Variants in PROKR2 observed in about 807,000 individuals in gnomAD.
The protein encoded by PROKR2 is prokineticin receptor 2, also known as G protein-coupled receptor 73-like 1.
A neutral mutation model predicts 23.4 loss-of-function variants in PROKR2; 26 were observed. The observed-to-expected ratio is 1.11, with a 90% CI of 0.81 to 1.54. The LOEUF (loss-of-function observed/expected upper bound fraction) is 1.54. Among genes scored for constraint, PROKR2 ranks in the 40% most tolerant of loss-of-function variants. The probability of loss-of-function intolerance (pLI) is 0.00; values close to 1 mark genes in which losing one functional copy is unlikely to be tolerated. For missense variants in PROKR2, 453 were observed against 511.5 expected (o/e 0.89, Z 1.10); for synonymous variants, 212 against 201.2 (o/e 1.05, Z -0.45).
At chr20:5,309,440 C>T (rs1405950412) in intron 2 of PROKR2, among the ~76,000 whole-genome samples, 4 of 152,178 alleles carry the variant, frequency 2.6e-5, no homozygotes, top group Non-Finnish European at 5.9e-5. Context: ...GACTTTTTCC[C>T]TTTCCAAAGC....
rs146418848 is a variant in PROKR2, at chr20:5,301,011, G to A, written c.*1029C>T. Among the ~76,000 whole-genome samples the A allele has an allele frequency of 6.6e-6, 1 of 152,310 alleles. No homozygotes were observed. Among genetic ancestry groups the A allele is most frequent in the East Asian group, 1.9e-4 (1 of 5,186 alleles). ...TACACCATTGTGGATAACCACATAAGGCTGGGCTGACTATAAGAATTTTTT... is the reference window on the plus strand; with the variant it reads ...TACACCATTGTGGATAACCACATAAAGCTGGGCTGACTATAAGAATTTTTT... On this transcript the variant is annotated 3_prime_UTR_variant, in exon 3 of 3. Coordinates refer to ENST00000678254, the MANE Select transcript of PROKR2 (RefSeq NM_144773.4).
In PROKR2 at chr20:5,308,969, C is replaced by T. The variant is rs1027637802; in HGVS notation, c.458+4943G>A. 1.8e-4 allele frequency among the ~76,000 whole-genome samples: 20 copies of T among 110,156 alleles called. No homozygotes were observed. The East Asian group carries it at 5.3e-3, about 29-fold the overall frequency. 72.3% of individuals were successfully genotyped at this position (110,156 alleles called of 152,430 possible). ...CCCCAGCTTTTGACTTTCTGAAGAT[C>T]TAGGATGAAGCTGGATCCTACCCCA... On this transcript the variant is annotated intron_variant, in intron 2 of 2. Transcript: ENST00000678254.
intron 2 of PROKR2, among the ~76,000 whole-genome samples, chr20:5,311,885 A>G (rs1250775126): frequency 6.6e-6 from 1 of 152,172 alleles, no homozygotes; most frequent in African/African-American, 2.4e-5. Flanking sequence ...CAGCCTGCAT[A>G]TGGCCTATTG....
At chr20:5,312,011 G>A (rs1233419236) in intron 2 of PROKR2, among the ~76,000 whole-genome samples, 1 of 152,196 alleles carries the variant, frequency 6.6e-6, no homozygotes, top group African/African-American at 2.4e-5. Context: ...ACTTTAGTGA[G>A]CATCAGAATC....
rs13041180 is a variant in PROKR2, at chr20:5,299,687, T to A, written c.*2353A>T. On this transcript the variant is annotated 3_prime_UTR_variant, in exon 3 of 3. Transcript: ENST00000678254. ...TCACCCAGGCTGGAGTGCAGTGGTG[T>A]GATCTCAATTCACTGCAACCTCTGC... Among the ~76,000 whole-genome samples, 1 of 151,960 alleles carries A rather than the reference T, an allele frequency of 6.6e-6. No individual in the cohort carries two copies. Among genetic ancestry groups the A allele is most frequent in the Non-Finnish European group, 1.5e-5 (1 of 67,966 alleles).
Position 5,301,557 on chromosome 20 carries a change from G to T in PROKR2, c.*483C>A, listed in dbSNP as rs1276245109. Among the ~76,000 whole-genome samples, 1 of 152,206 alleles carries T rather than the reference G, an allele frequency of 6.6e-6. No individual in the cohort carries two copies. Among genetic ancestry groups the T allele is most frequent in the African/African-American group, 2.4e-5 (1 of 41,466 alleles). ...ATAGCCTTTTGATATTCCTGCACTG[G>T]TAAGATACAGAATTAGGGAAGATGG... is the stretch of plus-strand genomic sequence containing the variant. On this transcript the variant is annotated 3_prime_UTR_variant, in exon 3 of 3. Transcript: ENST00000678254.
chr20:5,316,200 C>G lies in PROKR2; in HGVS notation c.-9+294G>C, dbSNP rs1025589277. ...AGGAAGGTGCCCCTCTACCTGCACC[C>G]TCCCCTGCAATTTGGAGCTCGTCCG... On this transcript the variant is annotated intron_variant, in intron 1 of 2. Transcript: ENST00000678254. The surrounding 1 kb of genome is among the most constrained non-coding windows in gnomAD (Gnocchi z 5.0). 2.2e-5 allele frequency: 10 copies of G among 456,554 alleles called. No individual in the cohort carries two copies. Among genetic ancestry groups the G allele is most frequent in the African/African-American group, 2.0e-4 (10 of 50,064 alleles). 28.3% of individuals were successfully genotyped at this position (456,554 alleles called of 1,614,324 possible).
intron 1 of PROKR2, chr20:5,315,797 G>A: frequency 2.2e-6 from 1 of 454,916 alleles, no homozygotes; most frequent in Non-Finnish European, 4.4e-6. Flanking sequence ...CGTCTCATGC[G>A]ACACCCCAAT....
intron 2 of PROKR2, among the ~76,000 whole-genome samples, chr20:5,305,144 C>T (rs1023811309): frequency 6.9e-4 from 105 of 152,184 alleles, no homozygotes; most frequent in Non-Finnish European, 1.3e-3. Flanking sequence ...AATCAGTTCA[C>T]TCTAAGTTTG....
At chr20:5,304,374 G>T (rs951118336) in intron 2 of PROKR2, among the ~76,000 whole-genome samples, 1 of 152,120 alleles carries the variant, frequency 6.6e-6, no homozygotes, top group Non-Finnish European at 1.5e-5. Context: ...TTTTGTAGTG[G>T]GACTGTTAAA....
rs1401918600 is a variant in PROKR2, at chr20:5,302,103, G to A, written c.1092C>T (p.Asp364=). The A allele has an allele frequency of 6.2e-7, 1 of 1,614,196 alleles. No individual in the cohort carries two copies. The highest frequency in any genetic ancestry group is 1.7e-5 in the Admixed American group (1 of 60,030). The change falls in exon 3 of 3, where the codon GAC becomes GAT. Residue 364 remains aspartate, a synonymous_variant. Coordinates refer to ENST00000678254, the MANE Select transcript of PROKR2 (RefSeq NM_144773.4). ...GCACCCCGTTGGTTCTGAGGTCAAG[G>A]TCAGCACTGGACTTGCTCCCCCGCT... ...PSQRGSKSSA[D]LDLRTNGVPT... is the part of the protein sequence containing the mutation.
chr20:5,312,897 A>T (rs1389196566), intron 2 of PROKR2, among the ~76,000 whole-genome samples: 2 of 152,262 alleles, frequency 1.3e-5, no homozygotes, highest in African/African-American at 4.8e-5. Context: ...TAAATTTAAA[A>T]TAGAGCAAGG....
intron 2 of PROKR2, among the ~76,000 whole-genome samples, chr20:5,303,202 GA>G (rs1198527523): frequency 6.6e-6 from 1 of 152,168 alleles, no homozygotes; most frequent in Non-Finnish European, 1.5e-5. Context: ...TTCTGCCCAA[GA>G]ACATACAATA....
Position 5,300,528 on chromosome 20 carries a change from C to T in PROKR2, c.*1512G>A, listed in dbSNP as rs1053799107. 2.2e-4 allele frequency among the ~76,000 whole-genome samples: 33 copies of T among 152,194 alleles called. No homozygotes were observed. The highest frequency in any genetic ancestry group is 1.7e-3 in the Admixed American group (26 of 15,282). On this transcript the variant is annotated 3_prime_UTR_variant, in exon 3 of 3. Transcript: ENST00000678254. ...TTCAATATCACTTCTCCATTCTTATCGTGTGCACAGTTGAAAAGCACATTC... is the reference window on the plus strand; with the variant it reads ...TTCAATATCACTTCTCCATTCTTATTGTGTGCACAGTTGAAAAGCACATTC...
In PROKR2 at chr20:5,313,651, G is replaced by A. The variant is rs8116442; in HGVS notation, c.458+261C>T. Among the ~76,000 whole-genome samples the A allele has an allele frequency of 0.51, 77,134 of 152,136 alleles. 19,785 individuals are homozygous for A. The highest frequency in any genetic ancestry group is 0.6 in the African/African-American group (24,951 of 41,502). On this transcript the variant is annotated intron_variant, in intron 2 of 2. Coordinates refer to ENST00000678254, the MANE Select transcript of PROKR2 (RefSeq NM_144773.4). ...CCCTTTCTGCTTTCCCTTTGTGTTG[G>A]TGCCACATACTGTCATGTGGCATGC...
chr20:5,303,004 C>A (rs1979070924), intron 2 of PROKR2, among the ~76,000 whole-genome samples: 2 of 152,186 alleles, frequency 1.3e-5, no homozygotes, highest in African/African-American at 4.8e-5. Flanking sequence ...ATTATTCAAT[C>A]TCCCTGAGAT....
intron 2 of PROKR2, among the ~76,000 whole-genome samples, chr20:5,305,568 G>A (rs111364276): frequency 0.12 from 17,678 of 152,094 alleles, 1,103 homozygotes; most frequent in Non-Finnish European, 0.12. Context: ...GTGGAAATGG[G>A]GAAAAGTGAA....
rs184633163 is a variant in PROKR2 at position 5,299,688 on chromosome 20, G to A, written c.*2352C>T. Among the ~76,000 whole-genome samples the A allele has an allele frequency of 2.8e-3, 428 of 152,222 alleles. 7 individuals carry two copies. The East Asian group carries it at 0.039, about 14-fold the overall frequency. The stretch of plus-strand genomic sequence containing the variant: ...CACCCAGGCTGGAGTGCAGTGGTGT[G>A]ATCTCAATTCACTGCAACCTCTGCC... On this transcript the variant is annotated 3_prime_UTR_variant, in exon 3 of 3. Coordinates refer to ENST00000678254, the MANE Select transcript of PROKR2 (RefSeq NM_144773.4).
intron 2 of PROKR2, among the ~76,000 whole-genome samples, chr20:5,309,488 GAC>G (rs958814310): frequency 6.7e-4 from 102 of 152,244 alleles, no homozygotes; most frequent in African/African-American, 2.3e-3. Flanking sequence ...TTGTATCACT[GAC>G]ACAAACTCTT....
Sources: allele counts gnomAD v4.1 joint callset (sites outside exome capture counted in the v4.1 genomes callset), GRCh38; gene constraint gnomAD v4.1.1; non-coding constraint Gnocchi (gnomAD v3.1); transcripts MANE v1.5; gene names NCBI Gene and HGNC (gene_info 2026-07-23, HGNC 2026-07-21).